PLXNA4: variants seen among roughly 807,000 people sequenced by gnomAD.
PLXNA4 encodes plexin-A4.
In PLXNA4, 44 loss-of-function variants were observed where a neutral mutation model predicts 191.8. That is an observed-to-expected ratio of 0.23 (90% CI 0.18 to 0.29). The LOEUF (loss-of-function observed/expected upper bound fraction) is 0.29, where lower values mean the gene tolerates loss of function less well. Ranked by LOEUF, PLXNA4 falls within the 10% of genes least tolerant of loss-of-function variation. The probability of loss-of-function intolerance (pLI) is 1.00; values close to 1 mark genes in which losing one functional copy is unlikely to be tolerated. For missense variants in PLXNA4, 1,800 were observed against 2,488.8 expected (o/e 0.72, Z 5.89); for synonymous variants, 1,082 against 1,009.5 (o/e 1.07, Z -1.36).
chr7:132,241,237 T>C, intron 4 of PLXNA4, 71 bp from the exon 5 acceptor site: 1 of 1,015,084 alleles, frequency 9.9e-7, no homozygotes, highest in Admixed American at 2.3e-5. Flanking sequence ...AGAAGAGATG[T>C]TGCTCTAAAT....
chr7:132,316,685 A>T (rs1397230458), intron 3 of PLXNA4, among the ~76,000 whole-genome samples: 2 of 152,048 alleles, frequency 1.3e-5, no homozygotes, highest in East Asian at 3.9e-4. Context: ...ATGGGAAATG[A>T]CTCTCCAAAT....
At chr7:132,133,605 C>T (rs535123940) in intron 30 of PLXNA4, among the ~76,000 whole-genome samples, 29 of 152,096 alleles carry the variant, frequency 1.9e-4, no homozygotes, top group Admixed American at 3.3e-4. Context: ...CTCTTCCGAG[C>T]GGTTGCTCTT....
At chr7:132,632,310 C>T (rs1803508396) in intron 2 of PLXNA4, among the ~76,000 whole-genome samples, 4 of 150,770 alleles carry the variant, frequency 2.7e-5, no homozygotes, top group African/African-American at 7.3e-5. Context: ...AATTAGAGCT[C>T]ATGGTAGGCA....
intron 4 of PLXNA4, among the ~76,000 whole-genome samples, chr7:132,257,649 C>T (rs897356745): frequency 2.6e-5 from 4 of 152,198 alleles, no homozygotes; most frequent in East Asian, 1.9e-4. Context: ...GCAGCAGGAG[C>T]CCACAGGTGG....
intron 4 of PLXNA4, among the ~76,000 whole-genome samples, chr7:132,244,343 C>T (rs559349911): frequency 6.6e-6 from 1 of 152,214 alleles, no homozygotes; most frequent in African/African-American, 2.4e-5. Context: ...ACATGTATAA[C>T]AATGGCACCA....
chr7:132,597,285 C>T (rs552071692), intron 2 of PLXNA4, among the ~76,000 whole-genome samples: 100 of 152,272 alleles, frequency 6.6e-4, no homozygotes, highest in African/African-American at 2.4e-3. Flanking sequence ...TTGTTGTCTT[C>T]TCTATAAGGC....
rs1584831219 is a variant in PLXNA4, at chr7:132,198,781, G to A, written c.2587-145C>T. The A allele has an allele frequency of 7.8e-6, 10 of 1,287,830 alleles. 1 individual carries two copies. The highest frequency in any genetic ancestry group is 7.3e-5 in the East Asian group (3 of 40,914). 79.8% of individuals were successfully genotyped at this position (1,287,830 alleles called of 1,614,324 possible). A position where few individuals can be genotyped will look rare whatever the true frequency, so the allele number is the denominator to read the frequency against. ...AAGTCACCAAGGGCACCCAAAGCCTGCGGTAATCAATGGGTAGTAGCTTCT... is the reference window on the plus strand; with the variant it reads ...AAGTCACCAAGGGCACCCAAAGCCTACGGTAATCAATGGGTAGTAGCTTCT... On this transcript the variant is annotated intron_variant, in intron 12 of 31. Transcript: ENST00000321063.
intron 3 of PLXNA4, among the ~76,000 whole-genome samples, chr7:132,371,134 G>T (rs1200296905): frequency 6.6e-6 from 1 of 152,138 alleles, no homozygotes; most frequent in Non-Finnish European, 1.5e-5. Context: ...GGGCTGGGGA[G>T]ACGGGTTGGG....
At chr7:132,425,882 G>A (rs970194077) in intron 3 of PLXNA4, among the ~76,000 whole-genome samples, 33 of 152,212 alleles carry the variant, frequency 2.2e-4, no homozygotes, top group Non-Finnish European at 3.4e-4. Flanking sequence ...GACAGTTCCA[G>A]TGGAGGCAGA....
At position 132,576,142 on chromosome 7, in the gene PLXNA4, G is replaced by A. The variant is rs113598616; in HGVS notation, c.-87+280C>T. Among the ~76,000 whole-genome samples, 5,245 of 152,298 alleles carry A rather than the reference G, an allele frequency of 0.034. 234 individuals carry two copies. Among genetic ancestry groups the A allele is most frequent in the African/African-American group, 0.1 (4,166 of 41,556 alleles). On this transcript the variant is annotated intron_variant, in intron 1 of 31. Transcript: ENST00000321063. The surrounding 1 kb of genome is among the most constrained non-coding windows in gnomAD (Gnocchi z 5.8). ...CACAGAATCCCACCCCGAAAGTCCC[G>A]GGAAAGAGAAGTCTGAGTCCAGGAG...
chr7:132,151,516 GAGGAGGAGGAGAAAGGAGGAGGAGGAGAA>G (rs1795635037), intron 25 of PLXNA4, among the ~76,000 whole-genome samples: 2 of 107,544 alleles, frequency 1.9e-5, no homozygotes, highest in East Asian at 2.9e-4. Flanking sequence ...GAGGAGAAAG[GAGGAGGAGGAGAAAGGAGGAGGAGGAGAA>G]AGGAGGAGGA....
At chr7:132,416,930 T>C (rs559431160) in intron 3 of PLXNA4, among the ~76,000 whole-genome samples, 1 of 152,140 alleles carries the variant, frequency 6.6e-6, no homozygotes, top group African/African-American at 2.4e-5. Context: ...CTCTACAAGC[T>C]ACTAAAATGG....
At chr7:132,267,067 G>T (rs371388528) in intron 4 of PLXNA4, among the ~76,000 whole-genome samples, 1 of 152,110 alleles carries the variant, frequency 6.6e-6, no homozygotes, top group Non-Finnish European at 1.5e-5. Context: ...TGAAACTGTC[G>T]CAAGGCTTGG....
chr7:132,549,258 A>G (rs1800447198), intron 1 of PLXNA4, among the ~76,000 whole-genome samples: 1 of 152,164 alleles, frequency 6.6e-6, no homozygotes, highest in Non-Finnish European at 1.5e-5. Context: ...GAGGTCCAAG[A>G]AAACTCTGTT....
chr7:132,190,934 G>A (rs1462002431), intron 14 of PLXNA4, among the ~76,000 whole-genome samples: 1 of 152,184 alleles, frequency 6.6e-6, no homozygotes, highest in African/African-American at 2.4e-5. Flanking sequence ...AATGGGGTGG[G>A]GTGCAGGGCC....
At position 132,409,852 on chromosome 7, in the gene PLXNA4, C is replaced by T. The variant is rs187795466; in HGVS notation, c.1371+79440G>A. Among the ~76,000 whole-genome samples the T allele has an allele frequency of 4.7e-3, 716 of 152,330 alleles. 1 individual carries two copies. The highest frequency in any genetic ancestry group is 5.9e-3 in the Admixed American group (91 of 15,306). ...AGTCCCAACAGGCTGGCTCGTCCTC[C>T]GGGAGATCCCCCAGTGACCTCCCTA... is the stretch of plus-strand genomic sequence containing the variant. On this transcript the variant is annotated intron_variant, in intron 3 of 31. Transcript: ENST00000321063.
chr7:132,356,897 A>G (rs1008699067), intron 3 of PLXNA4, among the ~76,000 whole-genome samples: 3 of 152,184 alleles, frequency 2.0e-5, no homozygotes, highest in African/African-American at 7.2e-5. Flanking sequence ...AGGAACATGT[A>G]TTAGAGAGTC....
At chr7:132,217,649 A>G (rs1218454221) in intron 9 of PLXNA4, among the ~76,000 whole-genome samples, 1 of 152,110 alleles carries the variant, frequency 6.6e-6, no homozygotes, top group East Asian at 1.9e-4. Context: ...CCAATACAAA[A>G]ATGTAACGCA....
At chr7:132,506,841 T>C (rs928779936) in intron 2 of PLXNA4, among the ~76,000 whole-genome samples, 18 of 152,194 alleles carry the variant, frequency 1.2e-4, no homozygotes. Context: ...CTCACATGTC[T>C]CTTCCAAGGC....
Sources: allele counts gnomAD v4.1 joint callset (sites outside exome capture counted in the v4.1 genomes callset), GRCh38; gene constraint gnomAD v4.1.1; non-coding constraint Gnocchi (gnomAD v3.1); transcripts MANE v1.5; gene names NCBI Gene and HGNC (gene_info 2026-07-23, HGNC 2026-07-21).